The following MICAL2 variants were observed in gnomAD, a reference collection of about 807,000 sequenced individuals.
MICAL2 encodes microtubule associated monooxygenase, calponin and LIM domain containing 2.
In MICAL2, 77 loss-of-function variants were observed where a neutral mutation model predicts 127.3. The observed-to-expected ratio is 0.60, with a 90% CI of 0.50 to 0.73. The LOEUF is 0.73. MICAL2 is among the 30% of genes least tolerant of loss of function. The pLI is 0.00. For synonymous variants in MICAL2, 570 were observed against 551.1 expected (o/e 1.03, Z -0.48); for missense variants, 1,351 against 1,434.4 (o/e 0.94, Z 0.94).
At chr11:12,316,830 T>G (rs1157675670) in intron 29 of MICAL2, among the ~76,000 whole-genome samples, 1 of 152,236 alleles carries the variant, frequency 6.6e-6, no homozygotes, top group Non-Finnish European at 1.5e-5. Context: ...GATCACTTGT[T>G]TTCCTTTGAA....
chr11:12,275,285 A>G (rs1372636607), upstream of MICAL2, among the ~76,000 whole-genome samples: 2 of 152,236 alleles, frequency 1.3e-5, no homozygotes, highest in Non-Finnish European at 2.9e-5. Flanking sequence ...GCAAGTGAGC[A>G]GTGGTCTATA....
intron 3 of MICAL2, among the ~76,000 whole-genome samples, chr11:12,178,392 A>T (rs1857068556): frequency 6.6e-6 from 1 of 151,692 alleles, no homozygotes; most frequent in Non-Finnish European, 1.5e-5. Flanking sequence ...TAATTGGGTT[A>T]TAGCTTGGTT....
At chr11:12,349,041 T>C (rs1192306972) in intron 32 of MICAL2, among the ~76,000 whole-genome samples, 1 of 152,216 alleles carries the variant, frequency 6.6e-6, no homozygotes, top group Non-Finnish European at 1.5e-5. Context: ...CCCCTCTGCG[T>C]ATGGGACCCT....
Position 12,223,422 on chromosome 11 carries a change from G to C in MICAL2, c.1461G>C (p.Leu487Phe). The change falls in exon 12 of 28, where the codon TTG (leucine) becomes TTC (phenylalanine). Residue 487 changes from leucine to phenylalanine, a missense_variant. Around this residue, in one of 2 missense-constraint regions of MICAL2, gnomAD observed 599 missense variants for 714.9 expected, o/e 0.84. Transcript: ENST00000683283. The part of the protein sequence containing the change: ...HCVRPHQVKH[L>F]YITKELEHYP... ...TCTCTTGCTCATAGGTGAAGCATTT[G>C]TATATCACTAAGGAGCTGGAGCACT... The C allele has an allele frequency of 1.9e-6, 3 of 1,613,854 alleles. No homozygotes were observed. The highest frequency in any genetic ancestry group is 2.5e-6 in the Non-Finnish European group (3 of 1,179,780).
chr11:12,158,486 G>T (rs1854429101), intron 2 of MICAL2, among the ~76,000 whole-genome samples: 1 of 139,104 alleles, frequency 7.2e-6, no homozygotes. Context: ...ACCAACTGTG[G>T]ATTGAAAATA....
intron 2 of MICAL2, among the ~76,000 whole-genome samples, chr11:12,143,882 C>G (rs1413748811): frequency 6.6e-6 from 1 of 151,710 alleles, no homozygotes; most frequent in Admixed American, 6.6e-5. Context: ...TGAGGGTGAG[C>G]CAGAATTTTT....
chr11:12,219,883 C>A (rs759156146), intron 8 of MICAL2, among the ~76,000 whole-genome samples: 13 of 152,164 alleles, frequency 8.5e-5, no homozygotes, highest in Non-Finnish European at 1.8e-4. Flanking sequence ...GAATTTAATG[C>A]CAGGGAAAAA....
At chr11:12,308,747 G>A (rs1368698680) in intron 29 of MICAL2, among the ~76,000 whole-genome samples, 1 of 152,036 alleles carries the variant, frequency 6.6e-6, no homozygotes, top group Non-Finnish European at 1.5e-5. Flanking sequence ...TTATTGCACT[G>A]CCTAGGACCT....
intron 3 of MICAL2, among the ~76,000 whole-genome samples, chr11:12,199,157 A>C (rs1233404550): frequency 1.3e-5 from 2 of 152,234 alleles, no homozygotes; most frequent in Non-Finnish European, 2.9e-5. Context: ...AAAGAGAGTT[A>C]ATAAGAGTGC....
intron 2 of MICAL2, among the ~76,000 whole-genome samples, chr11:12,141,361 T>C (rs917206556): frequency 1.3e-5 from 2 of 152,174 alleles, no homozygotes; most frequent in African/African-American, 2.4e-5. Context: ...CTCCTTGACT[T>C]CTGTGGTCCT....
intron 22 of MICAL2, chr11:12,250,412 A>C (rs919861655): frequency 4.6e-5 from 7 of 152,202 alleles, no homozygotes; most frequent in African/African-American, 1.7e-4. Context: ...TGGACTCACT[A>C]TCTGCCGCGT....
intron 32 of MICAL2, among the ~76,000 whole-genome samples, chr11:12,337,255 T>C (rs1439453559): frequency 6.6e-6 from 1 of 152,240 alleles, no homozygotes; most frequent in Non-Finnish European, 1.5e-5. Flanking sequence ...GTGTTTATAG[T>C]ATTCTCTGAT....
At chr11:12,308,984 A>G (rs889502487) in intron 29 of MICAL2, among the ~76,000 whole-genome samples, 2 of 152,196 alleles carry the variant, frequency 1.3e-5, no homozygotes, top group African/African-American at 4.8e-5. Context: ...GGATAATCAT[A>G]TGCTTTTGTT....
chr11:12,127,022 G>A (rs1384250679), intron 1 of MICAL2, among the ~76,000 whole-genome samples: 3 of 152,200 alleles, frequency 2.0e-5, no homozygotes, highest in African/African-American at 7.2e-5. Context: ...TGCTTTGAAG[G>A]TGGGCAGCGG....
At position 12,249,304 on chromosome 11, in the gene MICAL2, C is replaced by A. The variant is rs1192424383; in HGVS notation, c.2847+58C>A. ...TCACCTGCAAAGGGGGATTATCAGA[C>A]CCACCTGCAGGGCTCTGGGAGTTAA... is the stretch of plus-strand genomic sequence containing the variant. On this transcript the variant is annotated intron_variant, in intron 22 of 27. Transcript: ENST00000683283. 8 of 997,884 alleles carry A rather than the reference C, an allele frequency of 8.0e-6. No homozygotes were observed. The East Asian group carries it at 1.9e-4, about 24-fold the overall frequency. The allele number at this position is 997,884 out of a possible 1,614,324, so 61.8% of individuals were successfully genotyped here. A position where few individuals can be genotyped will look rare whatever the true frequency, so the allele number is the denominator to read the frequency against.
intron 17 of MICAL2, 120 bp downstream of exon 17, chr11:12,239,705 CCTT>C: frequency 8.2e-7 from 1 of 1,215,792 alleles, no homozygotes; most frequent in Non-Finnish European, 1.1e-6. Flanking sequence ...GACTTGAGCT[CCTT>C]CTAGATCAGG....
intron 31 of MICAL2, among the ~76,000 whole-genome samples, chr11:12,325,978 TAC>T (rs1383318962): frequency 2.0e-5 from 3 of 152,224 alleles, no homozygotes; most frequent in African/African-American, 7.2e-5. Flanking sequence ...GGCATGAAAT[TAC>T]AAATAGTTTT....
intron 2 of MICAL2, 141 bp from the exon 3 acceptor site, chr11:12,161,938 A>G: frequency 1.6e-6 from 1 of 606,396 alleles, no homozygotes; most frequent in East Asian, 2.9e-5. Flanking sequence ...TGTTATAAAT[A>G]TTTATGTTTA....
intron 4 of MICAL2, among the ~76,000 whole-genome samples, chr11:12,205,931 G>A (rs1170831882): frequency 1.3e-5 from 2 of 152,148 alleles, no homozygotes; most frequent in Non-Finnish European, 2.9e-5. Context: ...AAGAATTGAT[G>A]GGAAAAAGGA....
Sources: allele counts gnomAD v4.1 joint callset (sites outside exome capture counted in the v4.1 genomes callset), GRCh38; gene constraint gnomAD v4.1.1; regional missense constraint gnomAD v4.1.1; transcripts MANE v1.5; gene names NCBI Gene and HGNC (gene_info 2026-07-23, HGNC 2026-07-21).